Variants in OPRM1 observed in about 807,000 individuals in gnomAD.
OPRM1 encodes the protein mu-type opioid receptor.
In OPRM1, 27 loss-of-function variants were observed where a neutral mutation model predicts 31.8. The observed-to-expected ratio is 0.85, with a 90% CI of 0.63 to 1.17. The LOEUF (loss-of-function observed/expected upper bound fraction) is 1.17. OPRM1 is among the 50% of genes most tolerant of loss of function. OPRM1 has a pLI of 0.00. For synonymous variants in OPRM1, 196 were observed against 189.9 expected (o/e 1.03, Z -0.26); for missense variants, 536 against 511.1 (o/e 1.05, Z -0.47).
intron 3 of OPRM1, among the ~76,000 whole-genome samples, chr6:154,177,183 C>A (rs1261319747): frequency 6.6e-6 from 1 of 152,194 alleles, no homozygotes; most frequent in Non-Finnish European, 1.5e-5. Flanking sequence ...ACCATAAAAA[C>A]CCTAGAAGAA....
chr6:154,135,361 C>T (rs1016305247), downstream of OPRM1, among the ~76,000 whole-genome samples: 3 of 152,084 alleles, frequency 2.0e-5, no homozygotes, highest in South Asian at 2.1e-4. Context: ...CCCAGCTACT[C>T]GGGAGGCTGA....
At chr6:154,225,090 T>C (rs939903392) in intron 3 of OPRM1, among the ~76,000 whole-genome samples, 1 of 152,186 alleles carries the variant, frequency 6.6e-6, no homozygotes, top group African/African-American at 2.4e-5. Flanking sequence ...AAGTGCCTTA[T>C]ATTTCAGAAT....
At chr6:154,064,097 C>T (rs888626131) in intron 1 of OPRM1, among the ~76,000 whole-genome samples, 2 of 151,938 alleles carry the variant, frequency 1.3e-5, no homozygotes, top group Admixed American at 6.6e-5. Flanking sequence ...ACCAACAGTC[C>T]ATAAGGGTCC....
At chr6:154,223,134 G>A in intron 3 of OPRM1, 1 of 1,491,206 alleles carries the variant, frequency 6.7e-7, no homozygotes, top group South Asian at 1.1e-5. Flanking sequence ...ATAGTATCCT[G>A]GCTCAGAGTT....
At chr6:154,210,644 C>T (rs918469649) in intron 3 of OPRM1, among the ~76,000 whole-genome samples, 29 of 152,128 alleles carry the variant, frequency 1.9e-4, no homozygotes, top group African/African-American at 5.3e-4. Flanking sequence ...AAAATAAAAG[C>T]TTTTTCTAAA....
At chr6:154,083,925 C>T in intron 1 of OPRM1, among the ~76,000 whole-genome samples, 1 of 90,676 alleles carries the variant, frequency 1.1e-5, no homozygotes, top group Non-Finnish European at 2.0e-5. Context: ...GCCTGGGCGA[C>T]AAAGGGAGAC....
rs572492702 is a variant in OPRM1, at chr6:154,123,213, C to T, written c.*4492C>T. On this transcript the variant is annotated 3_prime_UTR_variant, in exon 4 of 4. Transcript: ENST00000330432. Reference sequence around the variant, plus strand: ...TATGCAGCTATGGGGTGTCTCTAGGCGAGCACAAAGCATAGCTTCTCTTGT... The same window carrying T: ...TATGCAGCTATGGGGTGTCTCTAGGTGAGCACAAAGCATAGCTTCTCTTGT... Among the ~76,000 whole-genome samples the T allele has an allele frequency of 2.1e-4, 32 of 152,182 alleles. No homozygotes were observed. The highest frequency in any genetic ancestry group is 7.0e-4 in the African/African-American group (29 of 41,520).
At chr6:154,098,459 A>G (rs1323402535) in intron 3 of OPRM1, among the ~76,000 whole-genome samples, 2 of 152,214 alleles carry the variant, frequency 1.3e-5, no homozygotes, top group Non-Finnish European at 2.9e-5. Context: ...GAACATGTCA[A>G]TCTTTATTTT....
At chr6:154,095,193 A>C (rs1793145988) in intron 3 of OPRM1, among the ~76,000 whole-genome samples, 1 of 152,260 alleles carries the variant, frequency 6.6e-6, no homozygotes. Context: ...TGGGAGGCTG[A>C]GACAGGAGAA....
At chr6:154,220,385 C>A (rs1030179915) in intron 3 of OPRM1, among the ~76,000 whole-genome samples, 7 of 152,170 alleles carry the variant, frequency 4.6e-5, no homozygotes, top group Non-Finnish European at 1.0e-4. Context: ...TGACCAGGTG[C>A]GGTGGCTTAC....
At chr6:154,110,492 C>A (rs1796222509) in intron 3 of OPRM1, 1 of 896,586 alleles carries the variant, frequency 1.1e-6, no homozygotes, top group South Asian at 1.5e-5. Context: ...TAATGGAGAC[C>A]ATTTGTGTGA....
At chr6:154,097,683 G>A (rs570943738) in intron 3 of OPRM1, among the ~76,000 whole-genome samples, 1 of 152,040 alleles carries the variant, frequency 6.6e-6, no homozygotes, top group South Asian at 2.1e-4. Context: ...AATATTTCAT[G>A]CATAGCAGAA....
At chr6:154,149,280 G>A (rs1647754214) in intron 3 of OPRM1, among the ~76,000 whole-genome samples, 1 of 152,156 alleles carries the variant, frequency 6.6e-6, no homozygotes, top group Non-Finnish European at 1.5e-5. Flanking sequence ...GCAAAGGAGA[G>A]TGGGAAAGTC....
At chr6:154,176,002 G>T (rs1279754490) in intron 3 of OPRM1, among the ~76,000 whole-genome samples, 1 of 152,194 alleles carries the variant, frequency 6.6e-6, no homozygotes, top group Non-Finnish European at 1.5e-5. Context: ...TCCCTGGGAT[G>T]CAAGACTGCT....
chr6:154,140,362 G>A (rs960797170), intron 3 of OPRM1, among the ~76,000 whole-genome samples: 10 of 148,414 alleles, frequency 6.7e-5, no homozygotes, highest in African/African-American at 1.7e-4. Flanking sequence ...AAAGAGTCTC[G>A]CTCTGTCACC....
At chr6:154,047,412 C>T (rs511435) in intron 1 of OPRM1, among the ~76,000 whole-genome samples, 31,154 of 151,858 alleles carry the variant, frequency 0.21, 3,413 homozygotes, top group Admixed American at 0.27. Flanking sequence ...AAAAGCGTGA[C>T]TGGCAAAGGT....
chr6:154,076,640 C>G (rs955348753), intron 1 of OPRM1, among the ~76,000 whole-genome samples: 1 of 152,108 alleles, frequency 6.6e-6, no homozygotes, highest in Non-Finnish European at 1.5e-5. Flanking sequence ...AGACCAGCAC[C>G]TCTTCCTTTC....
chr6:154,150,667 C>G (rs1306811880), intron 3 of OPRM1, among the ~76,000 whole-genome samples: 1 of 152,222 alleles, frequency 6.6e-6, no homozygotes, highest in Admixed American at 6.5e-5. Flanking sequence ...TCACATTTCT[C>G]AAGCTTCTTT....
chr6:154,054,277 G>C (rs1442496111), intron 1 of OPRM1, among the ~76,000 whole-genome samples: 1 of 150,644 alleles, frequency 6.6e-6, no homozygotes, highest in Non-Finnish European at 1.5e-5. Flanking sequence ...GCTGGGGAAG[G>C]AGAATTGCGT....
Sources: gnomAD v4.1 joint callset for allele counts (sites outside exome capture counted in the v4.1 genomes callset) on GRCh38, gnomAD v4.1.1 for gene constraint, MANE v1.5 for transcripts, NCBI Gene and HGNC (gene_info 2026-07-23, HGNC 2026-07-21) for gene names.